Variants in SPTA1 observed in about 807,000 individuals in gnomAD.
The protein encoded by SPTA1 is spectrin alpha, erythrocytic 1.
SPTA1 carries 177 observed loss-of-function variants against 324.7 expected under a neutral mutation model. The observed-to-expected ratio is 0.55, with a 90% confidence interval of 0.48 to 0.62. The LOEUF (loss-of-function observed/expected upper bound fraction) is 0.62, where lower values mean the gene tolerates loss of function less well. Among genes scored for constraint, SPTA1 ranks in the 20% least tolerant of loss-of-function variants. The pLI, the probability that SPTA1 is intolerant of heterozygous loss-of-function variation, is 0.00. For missense variants in SPTA1, 3,162 were observed against 2,883.6 expected, an observed-to-expected ratio of 1.10 and a Z score of -2.21; for synonymous variants, 1,195 against 1,041.3, an observed-to-expected ratio of 1.15 and a Z score of -2.84.
rs562430516 is a variant in SPTA1 at position 158,640,463 on chromosome 1, C to T, written c.4738-456G>A. 2.6e-5 allele frequency among the ~76,000 whole-genome samples: 4 copies of T among 152,236 alleles called. No homozygotes were observed. The East Asian group carries it at 5.8e-4, about 22-fold the overall frequency. On this transcript the variant is annotated intron_variant, in intron 33 of 51. Transcript: ENST00000643759. ...ATATTTTATATTTCTACTCATGGAA[C>T]ATTAAAGTCTCAGGATACAAAATCA...
chr1:158,670,422 C>T (rs576935357), intron 12 of SPTA1, among the ~76,000 whole-genome samples: 1 of 152,320 alleles, frequency 6.6e-6, no homozygotes, highest in East Asian at 1.9e-4. Flanking sequence ...TGAGAATCAA[C>T]AGAAAGGACA....
chr1:158,686,664 G>T lies in SPTA1; in HGVS notation c.-147C>A. On this transcript the variant is annotated 5_prime_UTR_variant, in exon 1 of 52. Coordinates refer to ENST00000643759, the MANE Select transcript of SPTA1 (RefSeq NM_003126.4). The stretch of plus-strand genomic sequence containing the variant: ...GGGGAAAAAAAAAAACCTCTTGCTT[G>T]GTCCTAGAATCCCATCAGCCATACA... 2 of 663,278 alleles carry T rather than the reference G, an allele frequency of 3.0e-6. No homozygotes were observed. The highest frequency in any genetic ancestry group is 5.3e-6 in the Non-Finnish European group (2 of 376,228). The allele number at this position is 663,278 out of a possible 1,614,324, so 41.1% of individuals were successfully genotyped here.
In SPTA1 at chr1:158,626,232, A is replaced by C. The variant is rs2101778315; in HGVS notation, c.5834-10T>G. The C allele has an allele frequency of 6.2e-7, 1 of 1,612,684 alleles. No individual in the cohort carries two copies. Among genetic ancestry groups the C allele is most frequent in the Non-Finnish European group, 8.5e-7 (1 of 1,178,914 alleles). On this transcript the variant is annotated splice_polypyrimidine_tract_variant and intron_variant, in intron 41 of 51. Transcript: ENST00000643759. Reference sequence around the variant, plus strand: ...CTTGTTTCCTTATCAGCTAAAAGGCAAAAACAATTAAGAAGAGAAAGACAT... The same window carrying C: ...CTTGTTTCCTTATCAGCTAAAAGGCCAAAACAATTAAGAAGAGAAAGACAT...
chr1:158,671,239 C>T (rs1304884828), intron 12 of SPTA1, 104 bp downstream of exon 12: 3 of 791,254 alleles, frequency 3.8e-6, no homozygotes, highest in Non-Finnish European at 6.6e-6. Context: ...AATCCTCAGG[C>T]TATGTCTGGT....
intron 18 of SPTA1, among the ~76,000 whole-genome samples, chr1:158,660,579 G>A (rs909705113): frequency 7.2e-5 from 11 of 152,190 alleles, no homozygotes; most frequent in African/African-American, 2.4e-4. Context: ...TATAGTTGAA[G>A]ATTTAAAAAA....
At chr1:158,631,595 A>G (rs910683203) in intron 39 of SPTA1, among the ~76,000 whole-genome samples, 1 of 152,206 alleles carries the variant, frequency 6.6e-6, no homozygotes, top group Middle Eastern at 3.2e-3. Flanking sequence ...TACCTAAAAA[A>G]GTATTGAAAT....
Position 158,683,824 on chromosome 1 carries a change from A to T in SPTA1, c.265-328T>A, listed in dbSNP as rs201405930. Among the ~76,000 whole-genome samples, 9 of 136,842 alleles carry T rather than the reference A, an allele frequency of 6.6e-5. No homozygotes were observed. In the East Asian group the frequency reaches 1.9e-3, roughly 29 times the overall value. 89.8% of individuals were successfully genotyped at this position (136,842 alleles called of 152,430 possible). A position where few individuals can be genotyped will look rare whatever the true frequency, so the allele number is the denominator to read the frequency against. On this transcript the variant is annotated intron_variant, in intron 2 of 51. Transcript: ENST00000643759. Reference sequence around the variant, plus strand: ...GAAGTAGAGCACAATGAGAAAGATGATAGTTATAATAATGGTTTTTAAAAA... The same window carrying T: ...GAAGTAGAGCACAATGAGAAAGATGTTAGTTATAATAATGGTTTTTAAAAA...
chr1:158,654,824 T>A, intron 20 of SPTA1, 76 bp from the exon 21 acceptor site: 1 of 1,595,888 alleles, frequency 6.3e-7, no homozygotes, highest in East Asian at 2.2e-5. Flanking sequence ...GGGTGAGTAG[T>A]CCTTTAGGCT....
rs372281474 is a variant in SPTA1, at chr1:158,652,616, G to A, written c.3226C>T (p.Arg1076Cys). The change falls in exon 23 of 52, where the codon CGT (arginine) becomes TGT (cysteine). Residue 1076 changes from arginine (R) to cysteine (C), a missense_variant. Arg to Cys is a radical substitution (Grantham distance 180). Coordinates refer to ENST00000643759, the MANE Select transcript of SPTA1 (RefSeq NM_003126.4). Reference sequence around the variant, plus strand: ...TCATTATAACGTTGCAATAGACGACGTCTGCGTTCTTCTGCCCGATCCAAG... The same window carrying A: ...TCATTATAACGTTGCAATAGACGACATCTGCGTTCTTCTGCCCGATCCAAG... ...SLLDRAEERR[R>C]RLLQRYNEFL... 1.1e-5 allele frequency: 17 copies of A among 1,614,100 alleles called. No individual in the cohort carries two copies. Among genetic ancestry groups the A allele is most frequent in the East Asian group, 2.2e-5 (1 of 44,862 alleles).
At chr1:158,635,483 A>G (rs1033034178) in intron 38 of SPTA1, among the ~76,000 whole-genome samples, 1 of 152,182 alleles carries the variant, frequency 6.6e-6, no homozygotes, top group African/African-American at 2.4e-5. Flanking sequence ...AGTTCTTTAT[A>G]TCAATGTGAG....
At chr1:158,663,591 AGGT>A (rs1653397974) in intron 16 of SPTA1, among the ~76,000 whole-genome samples, 2 of 152,218 alleles carry the variant, frequency 1.3e-5, no homozygotes, top group African/African-American at 2.4e-5. Context: ...TAGATACAAT[AGGT>A]ACACTACATT....
intron 41 of SPTA1, 70 bp from the exon 42 acceptor site, chr1:158,626,292 A>G: frequency 1.4e-6 from 2 of 1,401,418 alleles, no homozygotes; most frequent in Non-Finnish European, 2.0e-6. Flanking sequence ...GCAGAAAAGG[A>G]ATATTTACAA....
At position 158,681,766 on chromosome 1, in the gene SPTA1, C is replaced by T. The variant is rs1315505549; in HGVS notation, c.391-99G>A. 4.1e-6 allele frequency: 6 copies of T among 1,469,816 alleles called. No individual in the cohort carries two copies. The East Asian group carries it at 1.2e-4, about 29-fold the overall frequency. The allele number at this position is 1,469,816 out of a possible 1,614,324, so 91.0% of individuals were successfully genotyped here. A position where few individuals can be genotyped will look rare whatever the true frequency, so the allele number is the denominator to read the frequency against. Reference sequence around the variant, plus strand: ...AAGAGACCTGGATAAAAATTCTTCTCTCAGTTACTCATGCATTAGTTGCTC... The same window carrying T: ...AAGAGACCTGGATAAAAATTCTTCTTTCAGTTACTCATGCATTAGTTGCTC... On this transcript the variant is annotated intron_variant, in intron 3 of 51. Transcript: ENST00000643759.
rs765666264 is a variant in SPTA1, at chr1:158,615,180, G to T, written c.6788+36C>A. On this transcript the variant is annotated intron_variant, in intron 48 of 51. Coordinates refer to ENST00000643759, the MANE Select transcript of SPTA1 (RefSeq NM_003126.4). ...AAGGTCCTAACACCTAACACCACCT[G>T]CATCCCTCCCTGCTCTGGCCACACG... is the stretch of plus-strand genomic sequence containing the variant. 2.5e-6 allele frequency: 4 copies of T among 1,611,518 alleles called. 1 individual carries two copies. The South Asian group carries it at 4.4e-5, about 18-fold the overall frequency.
At chr1:158,668,349 T>A (rs530593583) in intron 14 of SPTA1, among the ~76,000 whole-genome samples, 2 of 152,258 alleles carry the variant, frequency 1.3e-5, no homozygotes, top group Admixed American at 6.5e-5. Context: ...CAATCAGAGC[T>A]GTCATGAAAG....
Position 158,615,320 on chromosome 1 carries a change from G to T in SPTA1, c.6684C>A (p.Ile2228=). The change falls in exon 48 of 52, where the codon ATC becomes ATA. Residue 2228 remains isoleucine (I), a synonymous_variant. Coordinates refer to ENST00000643759, the MANE Select transcript of SPTA1 (RefSeq NM_003126.4). ...CAATGGTGCTGTATTTGATATCAAG[G>T]ATCAGAGCGTCTTCCAAGTTGTCCC... ...DLGDNLEDAL[I]LDIKYSTIGL... The T allele has an allele frequency of 6.2e-7, 1 of 1,614,068 alleles. No homozygotes were observed. The highest frequency in any genetic ancestry group is 8.5e-7 in the Non-Finnish European group (1 of 1,180,018).
At chr1:158,642,702 G>A (rs918984680) in intron 32 of SPTA1, 112 bp downstream of exon 32, 2 of 1,584,164 alleles carry the variant, frequency 1.3e-6, no homozygotes, top group Middle Eastern at 1.7e-4. Flanking sequence ...GTCTCTGAGA[G>A]CAGGCATGGT....
intron 38 of SPTA1, 44 bp downstream of exon 38, chr1:158,635,869 T>C (rs1282331546): frequency 6.2e-7 from 1 of 1,613,724 alleles, no homozygotes; most frequent in South Asian, 1.1e-5. Flanking sequence ...CTGCCCAATA[T>C]CCAAAATCCA....
intron 47 of SPTA1, among the ~76,000 whole-genome samples, chr1:158,616,308 C>T (rs182733967): frequency 6.6e-6 from 1 of 152,204 alleles, no homozygotes; most frequent in Admixed American, 6.5e-5. Context: ...TTATTGTAAA[C>T]TATGGTCACC....
Sources: allele counts gnomAD v4.1 joint callset (sites outside exome capture counted in the v4.1 genomes callset), GRCh38; gene constraint gnomAD v4.1.1; transcripts MANE v1.5; gene names NCBI Gene and HGNC (gene_info 2026-07-23, HGNC 2026-07-21).